The following SEMA6A variants were observed in gnomAD, a reference collection of about 807,000 sequenced individuals.
The protein encoded by SEMA6A is semaphorin-6A.
SEMA6A carries 25 observed loss-of-function variants against 96.8 expected under a neutral mutation model. The ratio of observed to expected loss-of-function variants is 0.26; its 90% CI spans 0.19 to 0.36. SEMA6A has a LOEUF of 0.36. Among genes scored for constraint, SEMA6A ranks in the 10% least tolerant of loss-of-function variants. SEMA6A has a pLI of 1.00. For synonymous variants in SEMA6A, 612 were observed against 518.0 expected, an observed-to-expected ratio of 1.18 and a Z score of -2.46; for missense variants, 1,363 against 1,323.1, an observed-to-expected ratio of 1.03 and a Z score of -0.47.
At chr5:116,475,056 T>C (rs186295352) in intron 16 of SEMA6A, among the ~76,000 whole-genome samples, 401 of 152,316 alleles carry the variant, frequency 2.6e-3, no homozygotes, top group Non-Finnish European at 4.6e-3. Flanking sequence ...TTCTGAAATT[T>C]TTTTTCCTAT....
At chr5:116,460,304 TATATA>T (rs1755299959) in intron 18 of SEMA6A, among the ~76,000 whole-genome samples, 1 of 152,146 alleles carries the variant, frequency 6.6e-6, no homozygotes, top group East Asian at 1.9e-4. Flanking sequence ...TTCAAACACA[TATATA>T]ATATTTCATA....
intron 18 of SEMA6A, among the ~76,000 whole-genome samples, chr5:116,460,055 T>C (rs1007480564): frequency 3.3e-5 from 5 of 150,360 alleles, no homozygotes; most frequent in African/African-American, 1.2e-4. Context: ...ATGAAAATGA[T>C]AAAAAAATAA....
In SEMA6A at chr5:116,496,240, A is replaced by C. The variant is rs774893869; in HGVS notation, c.342+11T>G. 130 of 1,611,642 alleles carry C rather than the reference A, an allele frequency of 8.1e-5. No individual in the cohort carries two copies. Among genetic ancestry groups the C allele is most frequent in the South Asian group, 6.8e-4 (62 of 91,004 alleles). ...AAAGTGGCAGCTGCAGGAGAAATGA[A>C]AATTGCCTACCTTATGTTTTCCCTT... On this transcript the variant is annotated intron_variant, in intron 5 of 18. Transcript: ENST00000343348.
At chr5:116,503,896 A>G (rs1352636923) in intron 2 of SEMA6A, among the ~76,000 whole-genome samples, 2 of 152,148 alleles carry the variant, frequency 1.3e-5, no homozygotes, top group African/African-American at 4.8e-5. Flanking sequence ...TAAGTTTGGA[A>G]CCTTGAGTTA....
In SEMA6A at chr5:116,447,574, T is replaced by C. The variant is rs1160538424; in HGVS notation, c.2132A>G (p.Asp711Gly). 2 of 1,613,880 alleles carry C rather than the reference T, an allele frequency of 1.2e-6. No individual in the cohort carries two copies. The highest frequency in any genetic ancestry group is 8.5e-7 in the Non-Finnish European group (1 of 1,179,888). The change falls in exon 19 of 19, where the codon GAC (aspartate) becomes GGC (glycine). Residue 711 changes from aspartate (D) to glycine (G), a missense_variant. By Grantham distance (94) the Asp-to-Gly change is moderately conservative (BLOSUM62 -1). Around this residue, in one of 2 missense-constraint regions of SEMA6A, gnomAD observed 883 missense variants for 763.6 expected, o/e 1.16. Coordinates refer to ENST00000343348, the MANE Select transcript of SEMA6A (RefSeq NM_020796.5). ...CGGCTTTGGGTCTTTGGATTGAGTG[T>C]CCCCAAAGAGGCCGCTGAGCTTGGT... Reference protein sequence around the residue: ...SVTKLSGLFGDTQSKDPKPEA... With the variant: ...SVTKLSGLFGGTQSKDPKPEA...
chr5:116,570,345 G>T (rs566263341), intron 1 of SEMA6A, among the ~76,000 whole-genome samples: 3 of 97,104 alleles, frequency 3.1e-5, no homozygotes, highest in Non-Finnish European at 7.3e-5. Context: ...CCAAGAGAGT[G>T]GGGGGGGTTC....
At position 116,447,058 on chromosome 5, in the gene SEMA6A, T is replaced by A; in HGVS notation, c.2648A>T (p.Gln883Leu). The change falls in exon 19 of 19, where the codon CAG becomes CTG. Residue 883 changes from glutamine to leucine, a missense_variant. Coordinates refer to ENST00000343348, the MANE Select transcript of SEMA6A (RefSeq NM_020796.5). ...CGGGGGACCCAGGGAGGCCTCCCGC[T>A]GTGGAACTTTGGGGGGCAGGCTGTC... ...NLDSLPPKVP[Q>L]REASLGPPGA... is the part of the protein sequence containing the mutation. 6.2e-7 allele frequency: 1 copy of A among 1,613,974 alleles called. No homozygotes were observed. Among genetic ancestry groups the A allele is most frequent in the South Asian group, 1.1e-5 (1 of 91,086 alleles).
chr5:116,511,373 G>A (rs1290110406), intron 1 of SEMA6A, among the ~76,000 whole-genome samples: 1 of 152,148 alleles, frequency 6.6e-6, no homozygotes, highest in Non-Finnish European at 1.5e-5. Context: ...ATCCACTGCT[G>A]TGGAACCCAC....
rs1471944815 is a variant in SEMA6A, at chr5:116,472,925, A to G, written c.1729+148T>C. On this transcript the variant is annotated intron_variant, in intron 17 of 18. Coordinates refer to ENST00000343348, the MANE Select transcript of SEMA6A (RefSeq NM_020796.5). ...AAGACATTTCATTATCTGGTAGAGG[A>G]GTTGAAATGTCTATAAAAAAATGAT... 1.0e-5 allele frequency: 16 copies of G among 1,524,882 alleles called. No individual in the cohort carries two copies. In the South Asian group the frequency reaches 1.9e-4, roughly 18 times the overall value. The allele number at this position is 1,524,882 out of a possible 1,614,324, so 94.5% of individuals were successfully genotyped here.
chr5:116,462,031 T>C (rs1455048576), intron 18 of SEMA6A, among the ~76,000 whole-genome samples: 6 of 152,192 alleles, frequency 3.9e-5, no homozygotes, highest in African/African-American at 1.4e-4. Flanking sequence ...TTTTTCTTCC[T>C]TTATTACTGT....
At chr5:116,519,664 T>TACACACACAC (rs72233200) in intron 1 of SEMA6A, among the ~76,000 whole-genome samples, 115 of 147,028 alleles carry the variant, frequency 7.8e-4, no homozygotes, top group Non-Finnish European at 9.1e-4. Flanking sequence ...ATGCTGTGTG[T>TACACACACAC]ACACACACAC....
At chr5:116,448,755 CA>C (rs3984966) in intron 18 of SEMA6A, among the ~76,000 whole-genome samples, 23,023 of 106,008 alleles carry the variant, frequency 0.22, 1,614 homozygotes, top group South Asian at 0.3. Flanking sequence ...CATCACCTCT[CA>C]AAAAAAAAAA....
At chr5:116,572,822 T>C (rs1580532545) in intron 1 of SEMA6A, among the ~76,000 whole-genome samples, 1 of 152,180 alleles carries the variant, frequency 6.6e-6, no homozygotes, top group Admixed American at 6.5e-5. Context: ...TCCCTCAGAC[T>C]GCACATGCTG....
rs111823226 is a variant in SEMA6A at position 116,571,297 on chromosome 5, G to A, written c.-39+2888C>T. Among the ~76,000 whole-genome samples, 617 of 152,210 alleles carry A rather than the reference G, an allele frequency of 4.1e-3. 5 individuals carry two copies. The highest frequency in any genetic ancestry group is 0.014 in the African/African-American group (594 of 41,522). On this transcript the variant is annotated intron_variant, in intron 1 of 18. Transcript: ENST00000343348. ...AGTATATTCAGCTGATGGCTCCTCA[G>A]AAATGATTTTCGGTATCTGCTTAAC...
chr5:116,544,869 A>G (rs1760119387), intron 1 of SEMA6A, among the ~76,000 whole-genome samples: 1 of 152,214 alleles, frequency 6.6e-6, no homozygotes, highest in Non-Finnish European at 1.5e-5. Flanking sequence ...CAGTATGTTC[A>G]GCTGTCTTAT....
At chr5:116,496,987 A>T (rs940308539) in intron 4 of SEMA6A, among the ~76,000 whole-genome samples, 2 of 152,236 alleles carry the variant, frequency 1.3e-5, no homozygotes, top group South Asian at 4.1e-4. Context: ...TAACATTGAA[A>T]CCTTTGTAGA....
chr5:116,494,698 G>A (rs1007490130), intron 6 of SEMA6A, among the ~76,000 whole-genome samples: 4 of 152,166 alleles, frequency 2.6e-5, no homozygotes, highest in African/African-American at 9.7e-5. Context: ...CAACCTCAGC[G>A]ATGGGCCACA....
At chr5:116,518,670 G>T (rs1490250060) in intron 1 of SEMA6A, among the ~76,000 whole-genome samples, 1 of 152,230 alleles carries the variant, frequency 6.6e-6, no homozygotes, top group African/African-American at 2.4e-5. Context: ...AAGGATCCCT[G>T]CACGTGTGTG....
At chr5:116,512,953 G>C (rs1056776924) in intron 1 of SEMA6A, among the ~76,000 whole-genome samples, 6 of 152,120 alleles carry the variant, frequency 3.9e-5, no homozygotes, top group Admixed American at 2.6e-4. Context: ...AACGTTCTTT[G>C]TTTGTTTGTT....
Sources: gnomAD v4.1 joint callset for allele counts (sites outside exome capture counted in the v4.1 genomes callset) on GRCh38, gnomAD v4.1.1 for gene constraint, gnomAD v4.1.1 regional missense constraint, MANE v1.5 for transcripts, NCBI Gene and HGNC (gene_info 2026-07-23, HGNC 2026-07-21) for gene names.